The following SKA2 variants were observed in gnomAD, a reference collection of about 807,000 sequenced individuals.
SKA2 encodes the protein spindle and kinetochore-associated protein 2.
A neutral mutation model predicts 16.9 loss-of-function variants in SKA2; 13 were observed. The ratio of observed to expected loss-of-function variants is 0.77; its 90% CI spans 0.50 to 1.22. The LOEUF (loss-of-function observed/expected upper bound fraction) is 1.22. SKA2 is among the 50% of genes most tolerant of loss of function. SKA2 has a pLI of 0.00. For synonymous variants in SKA2, 47 were observed against 48.5 expected (o/e 0.97, Z 0.13); for missense variants, 107 against 139.7 (o/e 0.77, Z 1.18).
chr17:59,154,183 A>AAAAAAG (rs1555714041), intron 1 of SKA2, among the ~76,000 whole-genome samples: 3 of 151,468 alleles, frequency 2.0e-5, no homozygotes, highest in Admixed American at 6.6e-5. Context: ...AAAAAAAAAA[A>AAAAAAG]AAAAGAAAAG....
chr17:59,139,180 G>A (rs926880446), intron 1 of SKA2, among the ~76,000 whole-genome samples: 3 of 151,938 alleles, frequency 2.0e-5, no homozygotes, highest in African/African-American at 4.8e-5. Context: ...GGCGGAGCAC[G>A]AGGTCAGGAG....
At chr17:59,131,425 ACTTTATT>A in intron 1 of SKA2, 58 bp from the exon 2 acceptor site, 1 of 1,139,224 alleles carries the variant, frequency 8.8e-7, no homozygotes, top group South Asian at 1.9e-5. Context: ...TAAACATGAT[ACTTTATT>A]CTTTTTTTCT....
intron 2 of SKA2, among the ~76,000 whole-genome samples, chr17:59,121,676 C>T (rs969192986): frequency 2.0e-5 from 3 of 148,546 alleles, no homozygotes; most frequent in East Asian, 3.9e-4. Context: ...AGGTCGGGCG[C>T]GGTGGCTCAC....
intron 1 of SKA2, among the ~76,000 whole-genome samples, chr17:59,153,938 A>AT (rs2046597262): frequency 1.3e-5 from 2 of 151,934 alleles, no homozygotes; most frequent in Admixed American, 1.3e-4. Context: ...CACCCGGCTA[A>AT]TTTTTTTATT....
intron 1 of SKA2, among the ~76,000 whole-genome samples, chr17:59,135,004 T>G (rs2046434475): frequency 6.6e-6 from 1 of 151,988 alleles, no homozygotes; most frequent in Admixed American, 6.6e-5. Flanking sequence ...CTGACTAATT[T>G]TTGTATTTTT....
intron 2 of SKA2, among the ~76,000 whole-genome samples, chr17:59,121,653 C>CA (rs147114598): frequency 0.014 from 1,453 of 101,680 alleles, 29 homozygotes; most frequent in African/African-American, 0.049. Flanking sequence ...AACTCCCTCT[C>CA]AAAAAAAAAA....
chr17:59,114,371 CTG>C, intron 3 of SKA2, among the ~76,000 whole-genome samples: 1 of 152,186 alleles, frequency 6.6e-6, no homozygotes, highest in East Asian at 1.9e-4. Context: ...ACATCACAGA[CTG>C]TACTTACACA....
intron 3 of SKA2, among the ~76,000 whole-genome samples, chr17:59,113,097 C>T (rs988629030): frequency 1.3e-5 from 2 of 151,922 alleles, no homozygotes; most frequent in Non-Finnish European, 2.9e-5. Flanking sequence ...GTGGCGCACA[C>T]CTGTGGTCCC....
At chr17:59,141,283 G>C (rs192852170) in intron 1 of SKA2, among the ~76,000 whole-genome samples, 2 of 152,242 alleles carry the variant, frequency 1.3e-5, no homozygotes, top group African/African-American at 4.8e-5. Context: ...TGTAGTCCCA[G>C]CTACTAGGGA....
Position 59,148,826 on chromosome 17 carries a change from A to AG in SKA2, c.33+6304_33+6305insC, listed in dbSNP as rs201460436. Among the ~76,000 whole-genome samples the AG allele has an allele frequency of 9.7e-3, 1,442 of 148,000 alleles. 31 individuals are homozygous for AG. The highest frequency in any genetic ancestry group is 0.033 in the African/African-American group (1,302 of 39,656). Reference sequence around the variant, plus strand: ...CCTGTCTCAAAAAAAAAAAAAAAAAAAAAAGAAAAGAAAATAGGCAAAAGA... The same window carrying AG: ...CCTGTCTCAAAAAAAAAAAAAAAAAAGAAAAGAAAAGAAAATAGGCAAAAGA... On this transcript the variant is annotated intron_variant, in intron 1 of 3. Transcript: ENST00000330137.
intron 1 of SKA2, 75 bp downstream of exon 1, chr17:59,155,056 C>G: frequency 6.2e-7 from 1 of 1,613,988 alleles, no homozygotes; most frequent in Non-Finnish European, 8.5e-7. Flanking sequence ...TCCGGCGACT[C>G]CAAATTGTGC....
At chr17:59,118,247 C>G (rs2046309972) in intron 3 of SKA2, 1 of 152,386 alleles carries the variant, frequency 6.6e-6, no homozygotes, top group South Asian at 2.1e-4. Context: ...GCCTGGGCAG[C>G]AAGAGTGAAA....
At chr17:59,141,810 T>A (rs940490995) in intron 1 of SKA2, among the ~76,000 whole-genome samples, 1 of 151,388 alleles carries the variant, frequency 6.6e-6, no homozygotes, top group African/African-American at 2.4e-5. Flanking sequence ...TAAAAACTGA[T>A]CATTTATTTT....
chr17:59,141,410 AATAG>A (rs1442338843), intron 1 of SKA2, among the ~76,000 whole-genome samples: 6 of 151,556 alleles, frequency 4.0e-5, no homozygotes, highest in Admixed American at 3.3e-4. Flanking sequence ...TAAATAAATA[AATAG>A]ATAAATTGTG....
intron 3 of SKA2, among the ~76,000 whole-genome samples, chr17:59,118,533 G>A (rs1294731663): frequency 1.3e-5 from 2 of 152,078 alleles, no homozygotes; most frequent in African/African-American, 4.8e-5. Flanking sequence ...CTATTGTCAG[G>A]CACATATAAT....
chr17:59,125,819 G>A (rs2046368500), intron 2 of SKA2, among the ~76,000 whole-genome samples: 1 of 151,992 alleles, frequency 6.6e-6, no homozygotes, highest in African/African-American at 2.4e-5. Context: ...GAAACAAAAG[G>A]AAATGAATTA....
intron 2 of SKA2, among the ~76,000 whole-genome samples, chr17:59,125,003 C>A (rs1006785588): frequency 4.3e-5 from 6 of 138,220 alleles, no homozygotes; most frequent in Non-Finnish European, 9.3e-5. Flanking sequence ...GATGGAGTTT[C>A]GCTCTTGTTT....
At chr17:59,141,855 T>C (rs1026880485) in intron 1 of SKA2, among the ~76,000 whole-genome samples, 10 of 152,124 alleles carry the variant, frequency 6.6e-5, no homozygotes, top group African/African-American at 1.9e-4. Context: ...TCAGGTACTC[T>C]AGGCTAGGCT....
Position 59,111,972 on chromosome 17 carries a change from G to C in SKA2, c.*305C>G. 3.7e-6 allele frequency: 1 copy of C among 272,568 alleles called. No homozygotes were observed. The highest frequency in any genetic ancestry group is 1.2e-3 in the Middle Eastern group (1 of 840). The allele number at this position is 272,568 out of a possible 1,614,324, so 16.9% of individuals were successfully genotyped here. A position where few individuals can be genotyped will look rare whatever the true frequency, so the allele number is the denominator to read the frequency against. ...TATCATGACTTAGAAAAAGAAAACA[G>C]ATGCAAAATAGTGTTGAGAATTTCT... On this transcript the variant is annotated 3_prime_UTR_variant, in exon 4 of 4. Coordinates refer to ENST00000330137, the MANE Select transcript of SKA2 (RefSeq NM_182620.4).
Sources: gnomAD v4.1 joint callset for allele counts (sites outside exome capture counted in the v4.1 genomes callset) on GRCh38, gnomAD v4.1.1 for gene constraint, MANE v1.5 for transcripts, NCBI Gene and HGNC (gene_info 2026-07-23, HGNC 2026-07-21) for gene names.